Variants in PPTC7 observed in about 807,000 individuals in gnomAD.
PPTC7 encodes the protein protein phosphatase targeting COQ7.
PPTC7 carries 6 observed loss-of-function variants against 30.8 expected under a neutral mutation model. That is an observed-to-expected ratio of 0.19 (90% CI 0.11 to 0.38). PPTC7 has a LOEUF of 0.38. Ranked by LOEUF, PPTC7 falls within the 10% of genes least tolerant of loss-of-function variation. The pLI, the probability that PPTC7 is intolerant of heterozygous loss-of-function variation, is 1.00. For missense variants in PPTC7, 218 were observed against 404.8 expected, an observed-to-expected ratio of 0.54 and a Z score of 3.96; for synonymous variants, 163 against 168.1, an observed-to-expected ratio of 0.97 and a Z score of 0.23.
Position 110,533,757 on chromosome 12 carries a change from CAT to C in PPTC7, c.*3278_*3279del, listed in dbSNP as rs888864323. 1 of 152,174 alleles carries C rather than the reference CAT, an allele frequency of 6.6e-6. No homozygotes were observed. The highest frequency in any genetic ancestry group is 2.4e-5 in the African/African-American group (1 of 41,430). The allele number at this position is 152,174 out of a possible 1,614,324, so 9.4% of individuals were successfully genotyped here. On this transcript the variant is annotated 3_prime_UTR_variant, in exon 6 of 6. Transcript: ENST00000354300. Reference sequence around the variant, plus strand: ...TTACAATTCGAGCCAATCTTGTTTACATTCTCTCAAACACTCAAAGCTGACTC... The same window carrying C: ...TTACAATTCGAGCCAATCTTGTTTACTCTCTCAAACACTCAAAGCTGACTC...
At chr12:110,543,147 A>G (rs968774832) in intron 3 of PPTC7, among the ~76,000 whole-genome samples, 6 of 152,200 alleles carry the variant, frequency 3.9e-5, no homozygotes, top group Admixed American at 2.6e-4. Flanking sequence ...ACATGTGACA[A>G]CATTTGTGAA....
At position 110,572,514 on chromosome 12, in the gene PPTC7, T is replaced by C. The variant is rs572062210; in HGVS notation, c.223+10295A>G. On this transcript the variant is annotated intron_variant, in intron 1 of 5. Coordinates refer to ENST00000354300, the MANE Select transcript of PPTC7 (RefSeq NM_139283.2). ...CAAAAAGAAATAAATTCCCTTTCTC[T>C]TCAAAATACTCTGTTAATGAATACG... 1.4e-3 allele frequency among the ~76,000 whole-genome samples: 207 copies of C among 152,312 alleles called. 1 individual carries two copies. Among genetic ancestry groups the C allele is most frequent in the African/African-American group, 4.8e-3 (198 of 41,566 alleles).
intron 2 of PPTC7, chr12:110,546,676 A>C (rs2064308412): frequency 6.4e-6 from 1 of 156,776 alleles, no homozygotes; most frequent in Admixed American, 6.2e-5. Flanking sequence ...CATTCGACAG[A>C]GACTCTGGGC....
Position 110,582,972 on chromosome 12 carries a change from C to T in PPTC7, c.60G>A (p.Ser20=), listed in dbSNP as rs1309188446. 7 of 1,530,082 alleles carry T rather than the reference C, an allele frequency of 4.6e-6. No homozygotes were observed. The highest frequency in any genetic ancestry group is 6.1e-6 in the Non-Finnish European group (7 of 1,138,544). 94.8% of individuals were successfully genotyped at this position (1,530,082 alleles called of 1,614,324 possible). A position where few individuals can be genotyped will look rare whatever the true frequency, so the allele number is the denominator to read the frequency against. The change falls in exon 1 of 6, where the codon TCG becomes TCA. Residue 20 remains serine, a synonymous_variant. Transcript: ENST00000354300. ...LVARAVLGGL[S]QTDPRAGGGG... is the part of the protein sequence containing the mutation. ...CGCCGCCGGCCCTGGGGTCGGTCTG[C>T]GAGAGGCCGCCGAGCACGGCGCGGG...
rs769860441 is a variant in PPTC7 at position 110,538,199 on chromosome 12, T to C, written c.801A>G (p.Pro267=). 2 of 1,614,220 alleles carry C rather than the reference T, an allele frequency of 1.2e-6. No homozygotes were observed. Among genetic ancestry groups the C allele is most frequent in the South Asian group, 1.1e-5 (1 of 91,082 alleles). The change falls in exon 5 of 6, where the codon CCA becomes CCG. Residue 267 remains proline (P), a synonymous_variant. Transcript: ENST00000354300. ...ACTGTGCAAAAGGTGACATATAATTTGGGTCATAGGCCAGCTCATGAGCTT... is the reference window on the plus strand; with the variant it reads ...ACTGTGCAAAAGGTGACATATAATTCGGGTCATAGGCCAGCTCATGAGCTT... The part of the protein sequence containing the change: ...AEQAHELAYD[P]NYMSPFAQFA...
intron 3 of PPTC7, among the ~76,000 whole-genome samples, chr12:110,543,070 C>T (rs188201306): frequency 1.3e-5 from 2 of 152,282 alleles, no homozygotes; most frequent in African/African-American, 2.4e-5. Flanking sequence ...GATACCGACC[C>T]GGAAGGGAGG....
At chr12:110,541,066 C>T (rs960095335) in intron 3 of PPTC7, among the ~76,000 whole-genome samples, 36 of 151,520 alleles carry the variant, frequency 2.4e-4, no homozygotes, top group Middle Eastern at 3.4e-3. Flanking sequence ...TGAGCCACTG[C>T]GCCCAGCCGC....
At chr12:110,550,436 T>G (rs947816374) in intron 2 of PPTC7, among the ~76,000 whole-genome samples, 2 of 151,974 alleles carry the variant, frequency 1.3e-5, no homozygotes, top group Non-Finnish European at 2.9e-5. Flanking sequence ...TTCACTGTGT[T>G]AGCCACGATG....
In PPTC7 at chr12:110,535,611, C is replaced by T. The variant is rs2064212744; in HGVS notation, c.*1426G>A. ...TCTATATTCTCAAGTAGATTCTCAT[C>T]AGGTTTAATTGCATTCTCATCTATA... On this transcript the variant is annotated 3_prime_UTR_variant, in exon 6 of 6. Coordinates refer to ENST00000354300, the MANE Select transcript of PPTC7 (RefSeq NM_139283.2). 6.6e-6 allele frequency: 1 copy of T among 152,552 alleles called. No homozygotes were observed. Among genetic ancestry groups the T allele is most frequent in the Non-Finnish European group, 1.5e-5 (1 of 68,028 alleles). 9.4% of individuals were successfully genotyped at this position (152,552 alleles called of 1,614,324 possible). A position where few individuals can be genotyped will look rare whatever the true frequency, so the allele number is the denominator to read the frequency against.
chr12:110,578,825 T>G (rs16940902), intron 1 of PPTC7, among the ~76,000 whole-genome samples: 39,918 of 152,092 alleles, frequency 0.26, 6,266 homozygotes, highest in East Asian at 0.56. Flanking sequence ...CCTCTAGAGT[T>G]GACAGCAGTA....
chr12:110,581,144 C>T (rs2064633892), intron 1 of PPTC7, among the ~76,000 whole-genome samples: 2 of 152,138 alleles, frequency 1.3e-5, no homozygotes, highest in South Asian at 4.1e-4. Context: ...GGGCCAGGCT[C>T]ACACTTGTAA....
intron 1 of PPTC7, among the ~76,000 whole-genome samples, chr12:110,566,346 C>A (rs2064482886): frequency 2.0e-5 from 3 of 152,266 alleles, no homozygotes; most frequent in Middle Eastern, 3.4e-3. Context: ...CTAAAATGAT[C>A]TTTTCTAACT....
chr12:110,546,179 T>A, intron 2 of PPTC7, 101 bp from the exon 3 acceptor site: 1 of 928,214 alleles, frequency 1.1e-6, no homozygotes, highest in Non-Finnish European at 1.7e-6. Context: ...ATAATTTCAA[T>A]CTCCTTTGCC....
intron 1 of PPTC7, among the ~76,000 whole-genome samples, chr12:110,575,971 G>A (rs980082697): frequency 1.3e-5 from 2 of 152,100 alleles, no homozygotes; most frequent in African/African-American, 4.8e-5. Flanking sequence ...AGGAACAGAA[G>A]TTTAAAAAGC....
chr12:110,582,935 C>A lies in PPTC7; in HGVS notation c.97G>T (p.Asp33Tyr). 7.9e-7 allele frequency: 1 copy of A among 1,267,352 alleles called. No individual in the cohort carries two copies. The allele number at this position is 1,267,352 out of a possible 1,614,324, so 78.5% of individuals were successfully genotyped here. A position where few individuals can be genotyped will look rare whatever the true frequency, so the allele number is the denominator to read the frequency against. The change falls in exon 1 of 6, where the codon GAC (aspartate) becomes TAC (tyrosine). Residue 33 changes from aspartate to tyrosine, a missense_variant. Transcript: ENST00000354300. ...DPRAGGGGGG[D>Y]YGLVTAGCGF... is the part of the protein sequence containing the mutation. ...CAGCCGGCCGTCACCAGTCCGTAGT[C>A]GCCGCCGCCGCCGCCGCCGGCCCTG...
intron 3 of PPTC7, among the ~76,000 whole-genome samples, chr12:110,541,733 C>CCGG (rs1199882723): frequency 6.6e-6 from 1 of 150,500 alleles, no homozygotes; most frequent in Non-Finnish European, 1.5e-5. Flanking sequence ...AATACATTCA[C>CCGG]CGGAAATAGC....
chr12:110,541,177 T>G (rs2064256555), intron 3 of PPTC7, among the ~76,000 whole-genome samples: 1 of 148,000 alleles, frequency 6.8e-6, no homozygotes, highest in Admixed American at 6.7e-5. Context: ...AGGTCAGGAG[T>G]GCAAGACCAG....
At chr12:110,541,067 G>A (rs1415126255) in intron 3 of PPTC7, among the ~76,000 whole-genome samples, 6 of 151,054 alleles carry the variant, frequency 4.0e-5, no homozygotes, top group African/African-American at 9.7e-5. Flanking sequence ...GAGCCACTGC[G>A]CCCAGCCGCC....
At chr12:110,575,351 G>A (rs1201650046) in intron 1 of PPTC7, among the ~76,000 whole-genome samples, 1 of 151,896 alleles carries the variant, frequency 6.6e-6, no homozygotes, top group Non-Finnish European at 1.5e-5. Context: ...TAAAGCCCCA[G>A]GCAAGACCTC....
Sources: gnomAD v4.1 joint callset for allele counts (sites outside exome capture counted in the v4.1 genomes callset) on GRCh38, gnomAD v4.1.1 for gene constraint, MANE v1.5 for transcripts, NCBI Gene and HGNC (gene_info 2026-07-23, HGNC 2026-07-21) for gene names.